RNF38: variants seen among roughly 807,000 people sequenced by gnomAD.
RNF38 encodes the protein E3 ubiquitin-protein ligase RNF38.
In RNF38, 15 loss-of-function variants were observed where a neutral mutation model predicts 67.2. That is an observed-to-expected ratio of 0.22 (90% CI 0.15 to 0.34). RNF38 has a LOEUF of 0.34. RNF38 is among the 10% of genes least tolerant of loss of function. The pLI is 1.00. For synonymous variants in RNF38, 220 were observed against 218.8 expected, an observed-to-expected ratio of 1.01 and a Z score of -0.05; for missense variants, 524 against 639.9, an observed-to-expected ratio of 0.82 and a Z score of 1.95.
At chr9:36,376,299 G>A (rs1835780730) in intron 2 of RNF38, among the ~76,000 whole-genome samples, 172 bp from the exon 3 acceptor site, 2 of 152,182 alleles carry the variant, frequency 1.3e-5, no homozygotes, top group African/African-American at 4.8e-5. Context: ...CTGGGATGGG[G>A]TAGAACAGGG....
intron 1 of RNF38, among the ~76,000 whole-genome samples, chr9:36,429,178 C>T (rs1173976779): frequency 6.6e-6 from 1 of 152,108 alleles, no homozygotes; most frequent in South Asian, 2.1e-4. Flanking sequence ...AACATGTGTA[C>T]ATAAGCTTAA....
chr9:36,412,862 C>T (rs974808472), intron 2 of RNF38, among the ~76,000 whole-genome samples: 7 of 152,154 alleles, frequency 4.6e-5, no homozygotes, highest in African/African-American at 7.2e-5. Context: ...CACCTGAGGT[C>T]GGGAGTTCAA....
chr9:36,416,740 ATATTTT>A (rs1273894178), intron 2 of RNF38, among the ~76,000 whole-genome samples: 59 of 73,054 alleles, frequency 8.1e-4, no homozygotes, highest in African/African-American at 3.0e-3. Flanking sequence ...TGCTGCCTCG[ATATTTT>A]TTTTTTTTTT....
intron 3 of RNF38, among the ~76,000 whole-genome samples, chr9:36,372,095 T>A (rs1835423818): frequency 6.6e-6 from 1 of 152,080 alleles, no homozygotes; most frequent in South Asian, 2.1e-4. Flanking sequence ...CTTGCCTGGC[T>A]GATTTTTGTA....
rs561576211 is a variant in RNF38 at position 36,463,896 on chromosome 9, G to A, written n.241+23412C>T. 7.2e-5 allele frequency among the ~76,000 whole-genome samples: 11 copies of A among 152,116 alleles called. 1 individual carries two copies. The highest frequency in any genetic ancestry group is 1.9e-4 in the East Asian group (1 of 5,172). ...AAAACTATTATCTTAGGCCAGGTGC[G>A]GTGGCTCACGCCTGTAATCCCAGCA... On this transcript the variant is annotated intron_variant and non_coding_transcript_variant, in intron 1 of 3. Coordinates refer to the RNF38 transcript ENST00000488058.
chr9:36,377,095 T>C (rs1034085120), intron 2 of RNF38, among the ~76,000 whole-genome samples: 5 of 152,336 alleles, frequency 3.3e-5, no homozygotes, highest in East Asian at 1.9e-4. Flanking sequence ...ACAAAACTGA[T>C]ATGGATCACT....
At chr9:36,367,649 A>C (rs1012809149) in intron 4 of RNF38, among the ~76,000 whole-genome samples, 15 of 152,226 alleles carry the variant, frequency 9.9e-5, no homozygotes, top group African/African-American at 3.6e-4. Flanking sequence ...ATACACCACT[A>C]GCTATGGTTT....
intron 3 of RNF38, among the ~76,000 whole-genome samples, chr9:36,373,703 G>C (rs1835565768): frequency 6.6e-6 from 1 of 151,164 alleles, no homozygotes; most frequent in African/African-American, 2.4e-5. Context: ...TCGAACTCTT[G>C]ACTTCAGGTG....
In RNF38 at chr9:36,346,019, C is replaced by A. The variant is rs12347399; in HGVS notation, c.1264-1066G>T. On this transcript the variant is annotated intron_variant, in intron 9 of 11. Coordinates refer to ENST00000259605, the MANE Select transcript of RNF38 (RefSeq NM_022781.5). Reference sequence around the variant, plus strand: ...GGAATACTGTCAAGATCCATTAATTCATTAAAAATGGCAAAACAGTAATAT... The same window carrying A: ...GGAATACTGTCAAGATCCATTAATTAATTAAAAATGGCAAAACAGTAATAT... 6.4e-3 allele frequency among the ~76,000 whole-genome samples: 977 copies of A among 152,292 alleles called. 8 individuals carry two copies. The highest frequency in any genetic ancestry group is 0.022 in the African/African-American group (912 of 41,546).
At chr9:36,484,622 C>A (rs1268768442) in intron 1 of RNF38, among the ~76,000 whole-genome samples, 1 of 151,998 alleles carries the variant, frequency 6.6e-6, no homozygotes, top group Non-Finnish European at 1.5e-5. Flanking sequence ...TAATCCCATT[C>A]CTCATCTTCT....
intron 2 of RNF38, among the ~76,000 whole-genome samples, chr9:36,413,470 A>C: frequency 6.6e-6 from 1 of 152,238 alleles, no homozygotes; most frequent in East Asian, 1.9e-4. Flanking sequence ...ATGCTCAATG[A>C]GAGAAGCCAG....
intron 1 of RNF38, among the ~76,000 whole-genome samples, chr9:36,435,343 G>A (rs1839038670): frequency 1.3e-5 from 2 of 152,158 alleles, no homozygotes; most frequent in Non-Finnish European, 2.9e-5. Context: ...AAAGATACTT[G>A]AGGTTGCCAA....
intron 4 of RNF38, among the ~76,000 whole-genome samples, chr9:36,360,791 AC>A (rs1834466134): frequency 6.6e-6 from 1 of 151,596 alleles, no homozygotes; most frequent in South Asian, 2.1e-4. Context: ...CACAAATACC[AC>A]CCCCCTACCC....
intron 2 of RNF38, among the ~76,000 whole-genome samples, chr9:36,386,619 T>A (rs374102188): frequency 1.3e-5 from 2 of 152,248 alleles, no homozygotes; most frequent in South Asian, 2.1e-4. Flanking sequence ...CAGGATGAGA[T>A]AGGAGGTCAG....
At chr9:36,460,900 A>T (rs1587179944) in intron 1 of RNF38, among the ~76,000 whole-genome samples, 2 of 147,798 alleles carry the variant, frequency 1.4e-5, no homozygotes, top group East Asian at 2.0e-4. Context: ...AAAAAAAAAA[A>T]AAAAAAGAAA....
At position 36,355,565 on chromosome 9, in the gene RNF38, G is replaced by T. The variant is rs902482534; in HGVS notation, c.909+738C>A. Among the ~76,000 whole-genome samples the T allele has an allele frequency of 2.0e-5, 3 of 152,012 alleles. No homozygotes were observed. In the East Asian group the frequency reaches 5.8e-4, roughly 29 times the overall value. ...GAAAGGTTAATTTCCTTGCCTAAATGAATACAAATATTATTCTAACAAGTA... is the reference window on the plus strand; with the variant it reads ...GAAAGGTTAATTTCCTTGCCTAAATTAATACAAATATTATTCTAACAAGTA... On this transcript the variant is annotated intron_variant, in intron 6 of 11. Coordinates refer to ENST00000259605, the MANE Select transcript of RNF38 (RefSeq NM_022781.5).
chr9:36,352,879 TC>T (rs777728900), intron 7 of RNF38, 31 bp from the exon 8 acceptor site: 1 of 1,443,092 alleles, frequency 6.9e-7, no homozygotes, highest in East Asian at 2.3e-5. Context: ...AGATTTAGAA[TC>T]ACTCTACGTT....
chr9:36,367,495 C>A (rs1012896958), intron 4 of RNF38, among the ~76,000 whole-genome samples: 1 of 152,094 alleles, frequency 6.6e-6, no homozygotes, highest in Non-Finnish European at 1.5e-5. Flanking sequence ...TGAACCCATG[C>A]AGGACGGGTT....
intron 1 of RNF38, among the ~76,000 whole-genome samples, chr9:36,448,667 C>T (rs760569008): frequency 4.6e-5 from 7 of 152,094 alleles, no homozygotes; most frequent in Non-Finnish European, 8.8e-5. Flanking sequence ...AAATTGCCTG[C>T]CCCACCCCCA....
Sources: allele counts gnomAD v4.1 joint callset (sites outside exome capture counted in the v4.1 genomes callset), GRCh38; gene constraint gnomAD v4.1.1; transcripts MANE v1.5; gene names NCBI Gene and HGNC (gene_info 2026-07-23, HGNC 2026-07-21).